The following ZNF366 variants were observed in gnomAD, a reference collection of about 807,000 sequenced individuals.
The protein encoded by ZNF366 is zinc finger protein 366.
Under a neutral mutation model 47.2 loss-of-function variants are expected in ZNF366, and 20 were observed. The ratio of observed to expected loss-of-function variants is 0.42; its 90% CI spans 0.30 to 0.62. ZNF366 has a LOEUF of 0.62. Ranked by LOEUF, ZNF366 falls within the 20% of genes least tolerant of loss-of-function variation. The pLI is 0.16. For missense variants in ZNF366, 987 were observed against 976.3 expected (o/e 1.01, Z -0.15); for synonymous variants, 421 against 395.1 (o/e 1.07, Z -0.78).
intron 1 of ZNF366, among the ~76,000 whole-genome samples, chr5:72,468,410 T>C (rs561214672): frequency 6.6e-6 from 1 of 152,280 alleles, no homozygotes; most frequent in East Asian, 1.9e-4. Context: ...GTCCTCTAGG[T>C]GGCCAGAAAA....
Position 72,461,255 on chromosome 5 carries a change from C to G in ZNF366, c.242G>C (p.Ser81Thr). 1.9e-6 allele frequency: 3 copies of G among 1,614,126 alleles called. No homozygotes were observed. The highest frequency in any genetic ancestry group is 2.5e-6 in the Non-Finnish European group (3 of 1,180,028). ...GTTATAGGGCATCTTTGTGGGCATG[C>G]TCTTCCGTTTCCTAGACCCTGCTCC... ...FEGAGSRKRK[S>T]MPTKMPYNHP... The change falls in exon 2 of 5, where the codon AGC becomes ACC. Residue 81 changes from serine to threonine, a missense_variant. By Grantham distance (58) the Ser-to-Thr change is moderately conservative. This residue lies in a region of ZNF366 where 591 missense variants were observed against 560.9 expected (regional missense o/e 1.05). Transcript: ENST00000318442.
At position 72,495,140 on chromosome 5, in the gene ZNF366, A is replaced by G. The variant is rs77213142; in HGVS notation, c.-15+12111T>C. 4.1e-3 allele frequency among the ~76,000 whole-genome samples: 620 copies of G among 152,236 alleles called. 19 individuals are homozygous for G. The highest frequency in any genetic ancestry group is 0.036 in the Admixed American group (544 of 15,294). On this transcript the variant is annotated intron_variant, in intron 1 of 4. Coordinates refer to ENST00000318442, the MANE Select transcript of ZNF366 (RefSeq NM_152625.3). The stretch of plus-strand genomic sequence containing the variant: ...GTTGCATGAAAAAATAAGCCATTTC[A>G]TCACTGCCAGGGCTCCCAGTTCACA...
intron 4 of ZNF366, among the ~76,000 whole-genome samples, chr5:72,444,734 T>G (rs1413096888): frequency 6.6e-6 from 1 of 152,048 alleles, no homozygotes; most frequent in East Asian, 1.9e-4. Flanking sequence ...CTACTAATGA[T>G]CACAAAAAGA....
Position 72,456,432 on chromosome 5 carries a change from T to C in ZNF366, c.1496A>G (p.His499Arg), listed in dbSNP as rs1343882612. ...KQTLKAHMIV[H>R]SDVKPFKCKL... is the part of the protein sequence containing the mutation. The stretch of plus-strand genomic sequence containing the variant: ...GCATTTGAAAGGCTTCACGTCAGAG[T>C]GGACGATCATGTGTGCCTTGAGGGT... The change falls in exon 3 of 5, where the codon CAC (histidine) becomes CGC (arginine). Residue 499 changes from histidine (H) to arginine (R), a missense_variant. Physicochemically the swap from His to Arg is conservative, Grantham distance 29 (BLOSUM62 0). Transcript: ENST00000318442. The C allele has an allele frequency of 1.2e-6, 2 of 1,611,322 alleles. No homozygotes were observed.
At chr5:72,494,554 T>C (rs916813303) in intron 1 of ZNF366, among the ~76,000 whole-genome samples, 2 of 151,954 alleles carry the variant, frequency 1.3e-5, no homozygotes, top group African/African-American at 4.8e-5. Flanking sequence ...AGGAGTCTGC[T>C]ATCACCTTAT....
chr5:72,490,719 C>A (rs937414367), intron 1 of ZNF366, among the ~76,000 whole-genome samples: 1 of 152,142 alleles, frequency 6.6e-6, no homozygotes, highest in Admixed American at 6.6e-5. Context: ...TCCCTGCCCA[C>A]CCCCAGCTAC....
chr5:72,489,012 T>G (rs1044142487), intron 1 of ZNF366, among the ~76,000 whole-genome samples: 1 of 152,224 alleles, frequency 6.6e-6, no homozygotes, highest in Non-Finnish European at 1.5e-5. Flanking sequence ...TGACTTGCTT[T>G]GTGTAATAAA....
intron 1 of ZNF366, among the ~76,000 whole-genome samples, chr5:72,502,719 T>C (rs1397906225): frequency 6.6e-6 from 1 of 152,230 alleles, no homozygotes; most frequent in Non-Finnish European, 1.5e-5. Flanking sequence ...TGAGATAGAA[T>C]CTACTAATAT....
chr5:72,475,376 G>C (rs1259435717), intron 1 of ZNF366, among the ~76,000 whole-genome samples: 1 of 152,170 alleles, frequency 6.6e-6, no homozygotes, highest in Non-Finnish European at 1.5e-5. Flanking sequence ...TTAGAGGCTT[G>C]CTACCTCACT....
chr5:72,506,588 A>C (rs1407637697), intron 1 of ZNF366, among the ~76,000 whole-genome samples: 1 of 152,174 alleles, frequency 6.6e-6, no homozygotes, highest in Non-Finnish European at 1.5e-5. Context: ...TATATGCCCC[A>C]AAACCTTTGC....
At chr5:72,452,964 C>T (rs535307576) in intron 3 of ZNF366, among the ~76,000 whole-genome samples, 24 of 152,126 alleles carry the variant, frequency 1.6e-4, no homozygotes, top group African/African-American at 5.3e-4. Context: ...CCAAGAAGCA[C>T]GAGTCCAAAA....
chr5:72,502,406 G>T (rs1465962674), intron 1 of ZNF366, among the ~76,000 whole-genome samples: 1 of 152,136 alleles, frequency 6.6e-6, no homozygotes, highest in Non-Finnish European at 1.5e-5. Context: ...CTGTCTCTAT[G>T]TTCCTGTCAG....
In ZNF366 at chr5:72,506,842, T is replaced by C. The variant is rs113636268; in HGVS notation, c.-15+409A>G. Among the ~76,000 whole-genome samples the C allele has an allele frequency of 6.1e-3, 935 of 152,182 alleles. 6 individuals carry two copies. Among genetic ancestry groups the C allele is most frequent in the African/African-American group, 0.022 (896 of 41,502 alleles). On this transcript the variant is annotated intron_variant, in intron 1 of 4. Coordinates refer to ENST00000318442, the MANE Select transcript of ZNF366 (RefSeq NM_152625.3). ...CAGGAGAAGGGCACCTCAATCCAGG[T>C]AACGTATTAACAAAAACCCCAGAGC...
Position 72,460,930 on chromosome 5 carries a change from G to C in ZNF366, c.567C>G (p.Phe189Leu). 1.2e-6 allele frequency: 2 copies of C among 1,611,828 alleles called. No homozygotes were observed. The highest frequency in any genetic ancestry group is 2.2e-5 in the South Asian group (2 of 91,002). Residue 189 changes from phenylalanine to leucine, a missense_variant, in exon 2 of 5, where the codon TTC becomes TTG. This residue lies in a region of ZNF366 where 591 missense variants were observed against 560.9 expected (regional missense o/e 1.05). Transcript: ENST00000318442. ...AGGGGAAGGGCGAGGACGAGGGCAC[G>C]AAGAAGGGGAACATGAGGCCCGGGT... ...KVHPGLMFPF[F>L]VPSSSPFPFS...
chr5:72,462,551 T>TTTC (rs1371593009), intron 1 of ZNF366, among the ~76,000 whole-genome samples: 67 of 16,898 alleles, frequency 4.0e-3, no homozygotes, highest in Non-Finnish European at 6.0e-3. Flanking sequence ...TTCTTTCTTT[T>TTTC]TTTTTTTTTT....
intron 1 of ZNF366, among the ~76,000 whole-genome samples, chr5:72,499,732 G>A (rs887119473): frequency 6.6e-6 from 1 of 152,122 alleles, no homozygotes; most frequent in African/African-American, 2.4e-5. Flanking sequence ...AAAACAGCAA[G>A]AAACAAGTGG....
chr5:72,482,941 C>G (rs545384881), intron 1 of ZNF366, among the ~76,000 whole-genome samples: 2 of 152,088 alleles, frequency 1.3e-5, no homozygotes, highest in South Asian at 4.2e-4. Flanking sequence ...ACATTTGCAC[C>G]GTATGTTAGT....
intron 4 of ZNF366, among the ~76,000 whole-genome samples, chr5:72,446,261 G>A (rs529058231): frequency 4.6e-5 from 7 of 152,284 alleles, no homozygotes; most frequent in African/African-American, 1.2e-4. Context: ...TCTCTTTCAC[G>A]GCATTGTAGG....
intron 2 of ZNF366, among the ~76,000 whole-genome samples, chr5:72,459,165 T>C (rs1387869661): frequency 1.3e-5 from 2 of 152,252 alleles, no homozygotes; most frequent in South Asian, 2.1e-4. Flanking sequence ...CTGTGTTTTG[T>C]CCTAACCTAA....
Sources: allele counts gnomAD v4.1 joint callset (sites outside exome capture counted in the v4.1 genomes callset), GRCh38; gene constraint gnomAD v4.1.1; regional missense constraint gnomAD v4.1.1; transcripts MANE v1.5; gene names NCBI Gene and HGNC (gene_info 2026-07-23, HGNC 2026-07-21).